The following PARD6G variants were observed in gnomAD, a reference collection of about 807,000 sequenced individuals.
PARD6G encodes partitioning defective 6 homolog gamma.
A neutral mutation model predicts 10.7 loss-of-function variants in PARD6G; 7 were observed. The ratio of observed to expected loss-of-function variants is 0.66; its 90% CI spans 0.37 to 1.23. The LOEUF is 1.23. Ranked by LOEUF, PARD6G falls within the 50% of genes most tolerant of loss-of-function variation. The pLI is 0.02. For missense variants in PARD6G, 548 were observed against 571.8 expected, an observed-to-expected ratio of 0.96 and a Z score of 0.42; for synonymous variants, 287 against 269.4, an observed-to-expected ratio of 1.07 and a Z score of -0.64.
chr18:80,233,375 C>T (rs924734296), intron 1 of PARD6G, among the ~76,000 whole-genome samples: 5 of 152,240 alleles, frequency 3.3e-5, no homozygotes, highest in Non-Finnish European at 7.3e-5. Flanking sequence ...TGGGCCTGCA[C>T]TCCCTCTCAT....
At chr18:80,197,100 C>G (rs1024608648) in intron 2 of PARD6G, among the ~76,000 whole-genome samples, 7 of 152,088 alleles carry the variant, frequency 4.6e-5, no homozygotes, top group African/African-American at 1.4e-4. Context: ...AGAAACAAAA[C>G]CTCAAGCCCC....
Position 80,246,891 on chromosome 18 carries a change from C to CA in PARD6G, c.72+385dup, listed in dbSNP as rs1967557579. Among the ~76,000 whole-genome samples, 1 of 152,088 alleles carries CA rather than the reference C, an allele frequency of 6.6e-6. No homozygotes were observed. The highest frequency in any genetic ancestry group is 1.5e-5 in the Non-Finnish European group (1 of 67,982). On this transcript the variant is annotated intron_variant, in intron 1 of 2. Transcript: ENST00000353265. The surrounding 1 kb of genome is among the most constrained non-coding windows in gnomAD (Gnocchi z 6.7). ...ACGGCCCGGGCCCCCAGAGCCCCCC[C>CA]ACGGCCCCGAATCCGAGCAGCCCCT...
chr18:80,159,804 G>A lies in PARD6G; in HGVS notation c.1098C>T (p.Gly366=). The change falls in exon 3 of 3, where the codon GGC becomes GGT. Residue 366 remains glycine, a synonymous_variant. Transcript: ENST00000353265. ...PRHSLALPPG[G]VEEHGPAVTL ...TGACCGCGGGCCCGTGCTCCTCCAC[G>A]CCGCCTGGCGGCAGCGCCAGGCTGT... The A allele has an allele frequency of 1.4e-6, 2 of 1,455,642 alleles. No homozygotes were observed. The highest frequency in any genetic ancestry group is 1.4e-5 in the South Asian group (1 of 69,516). 90.2% of individuals were successfully genotyped at this position (1,455,642 alleles called of 1,614,324 possible).
At chr18:80,232,024 G>T (rs1332414256) in intron 1 of PARD6G, among the ~76,000 whole-genome samples, 21 of 152,294 alleles carry the variant, frequency 1.4e-4, no homozygotes, top group Admixed American at 1.4e-3. Flanking sequence ...TCCTACACTT[G>T]TCCCTTCACT....
intron 2 of PARD6G, among the ~76,000 whole-genome samples, chr18:80,196,443 G>T (rs1358049032): frequency 1.3e-5 from 2 of 152,058 alleles, no homozygotes; most frequent in Admixed American, 6.6e-5. Flanking sequence ...TTTAATGATG[G>T]ATATGCTTAT....
chr18:80,217,024 G>C (rs992220677), intron 1 of PARD6G, among the ~76,000 whole-genome samples: 2 of 152,148 alleles, frequency 1.3e-5, no homozygotes, highest in Non-Finnish European at 2.9e-5. Flanking sequence ...AGAAATGACT[G>C]ATTGAAGGGC....
At position 80,210,922 on chromosome 18, in the gene PARD6G, C is replaced by T. The variant is rs1206472655; in HGVS notation, c.73-7990G>A. ...CCATCCCCAAACACACGTCACTAGTCATTCCTTTGAGTCAATACATTGAAG... is the reference window on the plus strand; with the variant it reads ...CCATCCCCAAACACACGTCACTAGTTATTCCTTTGAGTCAATACATTGAAG... On this transcript the variant is annotated intron_variant, in intron 1 of 2. Transcript: ENST00000353265. Among the ~76,000 whole-genome samples, 3 of 147,888 alleles carry T rather than the reference C, an allele frequency of 2.0e-5. No individual in the cohort carries two copies. In the Admixed American group the frequency reaches 2.1e-4, roughly 10 times the overall value.
At position 80,192,001 on chromosome 18, in the gene PARD6G, C is replaced by T. The variant is rs1966902000; in HGVS notation, c.295+10709G>A. On this transcript the variant is annotated intron_variant, in intron 2 of 2. Coordinates refer to ENST00000353265, the MANE Select transcript of PARD6G (RefSeq NM_032510.4). This position sits in a 1 kb window ranked among gnomAD's most constrained non-coding sequence, Gnocchi z 4.9. ...CTCCAAAGCCAAATCTAAAATTGGT[C>T]AAAGGTGTCCAACTCCACCTTGATG... Among the ~76,000 whole-genome samples, 1 of 152,212 alleles carries T rather than the reference C, an allele frequency of 6.6e-6. No individual in the cohort carries two copies. Among genetic ancestry groups the T allele is most frequent in the Non-Finnish European group, 1.5e-5 (1 of 68,044 alleles).
chr18:80,189,731 T>C lies in PARD6G; in HGVS notation c.295+12979A>G, dbSNP rs532896862. ...GTCCGTCGTTGAGGCTGTTCTTTCATCTCCCAGATGAGACCCGACCTCTCC... is the reference window on the plus strand; with the variant it reads ...GTCCGTCGTTGAGGCTGTTCTTTCACCTCCCAGATGAGACCCGACCTCTCC... On this transcript the variant is annotated intron_variant, in intron 2 of 2. Transcript: ENST00000353265. The surrounding 1 kb of genome is among the most constrained non-coding windows in gnomAD (Gnocchi z 5.5). Among the ~76,000 whole-genome samples the C allele has an allele frequency of 3.9e-4, 59 of 152,174 alleles. 1 individual carries two copies. In the Middle Eastern group the frequency reaches 0.01, roughly 26 times the overall value.
chr18:80,175,521 A>G lies in PARD6G; in HGVS notation c.296-14915T>C, dbSNP rs2052803158. On this transcript the variant is annotated intron_variant, in intron 2 of 2. Transcript: ENST00000353265. This position sits in a 1 kb window ranked among gnomAD's most constrained non-coding sequence, Gnocchi z 6.7. ...CTTACGATCTTATTTAACCTTCATC[A>G]CCCCCTAAAGACACTGTCTCCAGAT... 6.6e-6 allele frequency among the ~76,000 whole-genome samples: 1 copy of G among 152,024 alleles called. No individual in the cohort carries two copies. The highest frequency in any genetic ancestry group is 2.4e-5 in the African/African-American group (1 of 41,366).
intron 2 of PARD6G, among the ~76,000 whole-genome samples, chr18:80,173,247 A>G (rs752462482): frequency 1.8e-4 from 27 of 152,208 alleles, no homozygotes; most frequent in Non-Finnish European, 3.5e-4. Flanking sequence ...GGCTATGGAA[A>G]AAGTTTGTCG....
intron 1 of PARD6G, among the ~76,000 whole-genome samples, chr18:80,243,308 A>T (rs184518710): frequency 6.6e-6 from 1 of 152,302 alleles, no homozygotes; most frequent in Admixed American, 6.5e-5. Flanking sequence ...AACACTCGCA[A>T]TACATGATAA....
At chr18:80,173,341 G>A (rs549047963) in intron 2 of PARD6G, among the ~76,000 whole-genome samples, 3 of 152,190 alleles carry the variant, frequency 2.0e-5, no homozygotes, top group East Asian at 3.9e-4. Context: ...AGGGGCAAAC[G>A]CGGCCGTGCA....
chr18:80,160,706 G>A, intron 2 of PARD6G, 100 bp from the exon 3 acceptor site: 1 of 1,412,384 alleles, frequency 7.1e-7, no homozygotes, highest in Non-Finnish European at 9.2e-7. Context: ...GCGTGACGCC[G>A]AAGCACCCAG....
At chr18:80,191,749 G>A (rs1300635485) in intron 2 of PARD6G, among the ~76,000 whole-genome samples, 2 of 152,144 alleles carry the variant, frequency 1.3e-5, no homozygotes, top group Non-Finnish European at 2.9e-5. Flanking sequence ...TTGGTTCCTC[G>A]CCTGTAAAGA....
In PARD6G at chr18:80,157,441, C is replaced by T. The variant is rs2052663139; in HGVS notation, c.*2330G>A. ...ACAAATCTCAGTGAAAGCCTCATTT[C>T]TTAAAAAAAAACTCACATTTGCTTA... On this transcript the variant is annotated 3_prime_UTR_variant, in exon 3 of 3. Coordinates refer to ENST00000353265, the MANE Select transcript of PARD6G (RefSeq NM_032510.4). 6.6e-6 allele frequency: 1 copy of T among 151,882 alleles called. No homozygotes were observed. 9.4% of individuals were successfully genotyped at this position (151,882 alleles called of 1,614,324 possible). A position where few individuals can be genotyped will look rare whatever the true frequency, so the allele number is the denominator to read the frequency against.
chr18:80,194,328 A>C (rs150477527), intron 2 of PARD6G, among the ~76,000 whole-genome samples: 3,403 of 152,306 alleles, frequency 0.022, 50 homozygotes, highest in Non-Finnish European at 0.035. Context: ...TAAAGGTGCC[A>C]AATGGGCCCT....
At chr18:80,211,485 T>A (rs1967107340) in intron 1 of PARD6G, among the ~76,000 whole-genome samples, 2 of 152,228 alleles carry the variant, frequency 1.3e-5, no homozygotes, top group Admixed American at 6.5e-5. Context: ...GTGCAGCTGC[T>A]GTGAAAAACA....
In PARD6G at chr18:80,228,342, G is replaced by A. The variant is rs982859407; in HGVS notation, c.72+18935C>T. ...GGGGAGGGGAGTTCCCGGACACACGGTCCTGGAGAACACAGGCCACATGCA... is the reference window on the plus strand; with the variant it reads ...GGGGAGGGGAGTTCCCGGACACACGATCCTGGAGAACACAGGCCACATGCA... On this transcript the variant is annotated intron_variant, in intron 1 of 2. Coordinates refer to ENST00000353265, the MANE Select transcript of PARD6G (RefSeq NM_032510.4). This position sits in a 1 kb window ranked among gnomAD's most constrained non-coding sequence, Gnocchi z 4.6. 6.6e-6 allele frequency among the ~76,000 whole-genome samples: 1 copy of A among 152,088 alleles called. No homozygotes were observed. Among genetic ancestry groups the A allele is most frequent in the Non-Finnish European group, 1.5e-5 (1 of 68,002 alleles).
Sources: allele counts gnomAD v4.1 joint callset (sites outside exome capture counted in the v4.1 genomes callset), GRCh38; gene constraint gnomAD v4.1.1; non-coding constraint Gnocchi (gnomAD v3.1); transcripts MANE v1.5; gene names NCBI Gene and HGNC (gene_info 2026-07-23, HGNC 2026-07-21).